Variants in PIK3CB observed in about 807,000 individuals in gnomAD.
PIK3CB encodes the protein phosphatidylinositol 4,5-bisphosphate 3-kinase catalytic subunit beta isoform.
PIK3CB carries 39 observed loss-of-function variants against 136.8 expected under a neutral mutation model. That is an observed-to-expected ratio of 0.29 (90% CI 0.22 to 0.37). PIK3CB has a LOEUF of 0.37. Among genes scored for constraint, PIK3CB ranks in the 10% least tolerant of loss-of-function variants. PIK3CB has a pLI of 1.00. For missense variants in PIK3CB, 868 were observed against 1,275.4 expected (o/e 0.68, Z 4.87); for synonymous variants, 428 against 436.6 (o/e 0.98, Z 0.25).
intron 8 of PIK3CB, among the ~76,000 whole-genome samples, chr3:138,719,610 T>G (rs2044685725): frequency 6.6e-6 from 1 of 152,118 alleles, no homozygotes; most frequent in Non-Finnish European, 1.5e-5. Flanking sequence ...CACATTTCAC[T>G]TCTCATATTC....
rs199713806 is a variant in PIK3CB at position 138,694,867 on chromosome 3, C to G, written c.1811G>C (p.Arg604Pro). ...LLQIWPKLPPREALELLDFNY... is the reference protein window; with the variant it reads ...LLQIWPKLPPPEALELLDFNY... ...GAAATCCAGAAGCTCTAGGGCCTCC[C>G]GGGGGGGCAGTTTAGGCCAAATCTG... The change falls in exon 14 of 24, where the codon CGG (arginine) becomes CCG (proline). Residue 604 changes from arginine (R) to proline (P), a missense_variant. Arg to Pro is a moderately radical substitution (Grantham distance 103). Transcript: ENST00000674063. 6.2e-7 allele frequency: 1 copy of G among 1,610,646 alleles called. No individual in the cohort carries two copies.
At chr3:138,675,752 A>G (rs2043630215) in intron 19 of PIK3CB, among the ~76,000 whole-genome samples, 1 of 152,144 alleles carries the variant, frequency 6.6e-6, no homozygotes, top group Admixed American at 6.5e-5. Context: ...AAAGAGAGAA[A>G]GAACAAAGGT....
At chr3:138,811,446 G>A (rs917344041) in intron 1 of PIK3CB, among the ~76,000 whole-genome samples, 1 of 84,924 alleles carries the variant, frequency 1.2e-5, no homozygotes, top group South Asian at 3.4e-4. Flanking sequence ...TTTTTTTTTT[G>A]GCAGTGTCTC....
chr3:138,830,948 T>TAATAATAAA (rs1431212973), intron 1 of PIK3CB, among the ~76,000 whole-genome samples: 2 of 141,120 alleles, frequency 1.4e-5, no homozygotes, highest in South Asian at 4.3e-4. Context: ...ATAATAATAA[T>TAATAATAAA]AATAAAGCAG....
At chr3:138,662,776 G>A (rs2043324552) in intron 21 of PIK3CB, among the ~76,000 whole-genome samples, 1 of 152,058 alleles carries the variant, frequency 6.6e-6, no homozygotes, top group Non-Finnish European at 1.5e-5. Context: ...AGCACCTGTT[G>A]TTTCCTGACT....
At chr3:138,773,038 T>G (rs985404973) in intron 2 of PIK3CB, among the ~76,000 whole-genome samples, 2 of 151,986 alleles carry the variant, frequency 1.3e-5, no homozygotes, top group Non-Finnish European at 2.9e-5. Context: ...TCCACCTGCC[T>G]TGGCCTCCCA....
In PIK3CB at chr3:138,793,309, T is replaced by C. The variant is rs567487895; in HGVS notation, c.-17+3154A>G. On this transcript the variant is annotated intron_variant, in intron 2 of 23. Coordinates refer to ENST00000674063, the MANE Select transcript of PIK3CB (RefSeq NM_006219.3). Reference sequence around the variant, plus strand: ...ACCAAACTAAAAGAAAATCAAGCTATGTAAGTTTAAACCTCGCTGGGCATG... The same window carrying C: ...ACCAAACTAAAAGAAAATCAAGCTACGTAAGTTTAAACCTCGCTGGGCATG... 6.3e-4 allele frequency among the ~76,000 whole-genome samples: 96 copies of C among 152,326 alleles called. 1 individual carries two copies. The highest frequency in any genetic ancestry group is 2.2e-3 in the African/African-American group (93 of 41,586).
intron 2 of PIK3CB, among the ~76,000 whole-genome samples, chr3:138,761,752 A>G (rs1172150154): frequency 6.6e-6 from 1 of 152,186 alleles, no homozygotes; most frequent in Non-Finnish European, 1.5e-5. Context: ...CCTGGGCAAC[A>G]CAGCGAGACT....
intron 19 of PIK3CB, among the ~76,000 whole-genome samples, chr3:138,669,851 TA>T (rs1341648298): frequency 1.3e-5 from 2 of 152,140 alleles, no homozygotes; most frequent in Non-Finnish European, 2.9e-5. Context: ...TGACCCACTT[TA>T]ACCTAAACAG....
intron 1 of PIK3CB, among the ~76,000 whole-genome samples, chr3:138,822,702 C>T (rs1559892237): frequency 1.4e-5 from 2 of 147,998 alleles, no homozygotes; most frequent in South Asian, 2.2e-4. Context: ...ATCAGCCAGG[C>T]GTGTGGCATG....
At chr3:138,660,772 G>C (rs1328624847) in intron 21 of PIK3CB, among the ~76,000 whole-genome samples, 2 of 152,158 alleles carry the variant, frequency 1.3e-5, no homozygotes, top group Admixed American at 1.3e-4. Flanking sequence ...AGTCCACAAT[G>C]AAGACATACT....
intron 2 of PIK3CB, chr3:138,769,972 C>G (rs775830678): frequency 6.6e-6 from 1 of 152,140 alleles, no homozygotes; most frequent in African/African-American, 2.4e-5. Context: ...CAGATTTTTT[C>G]CCCAAAGCAA....
In PIK3CB at chr3:138,822,668, C is replaced by G. The variant is rs186661272; in HGVS notation, c.-122+12027G>C. The stretch of plus-strand genomic sequence containing the variant: ...ACGAGCCTGGCCAACACGGTGAAAC[C>G]CCATCTCTACTACAAATACAAAAAT... On this transcript the variant is annotated intron_variant, in intron 1 of 23. Coordinates refer to ENST00000674063, the MANE Select transcript of PIK3CB (RefSeq NM_006219.3). 2.8e-3 allele frequency among the ~76,000 whole-genome samples: 417 copies of G among 151,244 alleles called. 1 individual carries two copies. The highest frequency in any genetic ancestry group is 9.2e-3 in the African/African-American group (381 of 41,276).
rs997281441 is a variant in PIK3CB at position 138,663,756 on chromosome 3, A to T, written c.2796+150T>A. The T allele has an allele frequency of 1.1e-4, 75 of 705,746 alleles. No homozygotes were observed. In the Middle Eastern group the frequency reaches 2.9e-3, roughly 27 times the overall value. 43.7% of individuals were successfully genotyped at this position (705,746 alleles called of 1,614,324 possible). On this transcript the variant is annotated intron_variant, in intron 21 of 23. Coordinates refer to ENST00000674063, the MANE Select transcript of PIK3CB (RefSeq NM_006219.3). Reference sequence around the variant, plus strand: ...AATGAATACATGTAGTAGACTATATATGAAACGAGAGGTAGTGAGAAATTG... The same window carrying T: ...AATGAATACATGTAGTAGACTATATTTGAAACGAGAGGTAGTGAGAAATTG...
At chr3:138,656,397 A>G in intron 22 of PIK3CB, 123 bp from the exon 23 acceptor site, 1 of 1,020,302 alleles carries the variant, frequency 9.8e-7, no homozygotes, top group Non-Finnish European at 1.4e-6. Context: ...TACTGAACTA[A>G]AGGTTCATTT....
At chr3:138,798,698 C>A (rs974503833) in intron 1 of PIK3CB, among the ~76,000 whole-genome samples, 2 of 152,050 alleles carry the variant, frequency 1.3e-5, no homozygotes, top group Admixed American at 1.3e-4. Context: ...AATGAATGAA[C>A]CAAAATAGGG....
chr3:138,783,276 AT>A (rs145174208), intron 2 of PIK3CB, among the ~76,000 whole-genome samples: 299 of 146,596 alleles, frequency 2.0e-3, no homozygotes, highest in Middle Eastern at 3.6e-3. Context: ...AAAGAGGGTG[AT>A]TTTTTTTTTT....
chr3:138,762,643 T>C (rs972965290), intron 2 of PIK3CB, among the ~76,000 whole-genome samples: 2 of 152,150 alleles, frequency 1.3e-5, no homozygotes, highest in East Asian at 3.8e-4. Context: ...AATGAAAACA[T>C]GCTGTATTAA....
At chr3:138,760,228 G>A (rs2045644581) in intron 2 of PIK3CB, among the ~76,000 whole-genome samples, 1 of 151,950 alleles carries the variant, frequency 6.6e-6, no homozygotes, top group South Asian at 2.1e-4. Flanking sequence ...CAGCCAACAA[G>A]GACAATTTTC....
Sources: gnomAD v4.1 joint callset for allele counts (sites outside exome capture counted in the v4.1 genomes callset) on GRCh38, gnomAD v4.1.1 for gene constraint, MANE v1.5 for transcripts, NCBI Gene and HGNC (gene_info 2026-07-23, HGNC 2026-07-21) for gene names.